Variants in PEX14 observed in about 807,000 individuals in gnomAD.
PEX14 encodes peroxisomal membrane protein PEX14.
PEX14 carries 15 observed loss-of-function variants against 49.5 expected under a neutral mutation model. That is an observed-to-expected ratio of 0.30 (90% CI 0.20 to 0.47). The LOEUF (loss-of-function observed/expected upper bound fraction) is 0.47. PEX14 is among the 20% of genes least tolerant of loss of function. The pLI, the probability that PEX14 is intolerant of heterozygous loss-of-function variation, is 1.00. For missense variants in PEX14, 398 were observed against 494.8 expected (o/e 0.80, Z 1.86); for synonymous variants, 210 against 212.7 (o/e 0.99, Z 0.11).
At chr1:10,540,852 T>A (rs974037451) in intron 3 of PEX14, among the ~76,000 whole-genome samples, 2 of 152,164 alleles carry the variant, frequency 1.3e-5, no homozygotes, top group African/African-American at 4.8e-5. Context: ...GGAATACAAT[T>A]GGCTCTGTGA....
chr1:10,570,105 G>A (rs962798836), intron 3 of PEX14, among the ~76,000 whole-genome samples: 2 of 151,692 alleles, frequency 1.3e-5, no homozygotes, highest in African/African-American at 4.8e-5. Context: ...TACTTTATAT[G>A]TAATTTCTTC....
chr1:10,534,772 T>C (rs1248580938), intron 2 of PEX14, among the ~76,000 whole-genome samples: 1 of 152,152 alleles, frequency 6.6e-6, no homozygotes, highest in Non-Finnish European at 1.5e-5. Flanking sequence ...GGCCCAGACC[T>C]GAAAAGTCAA....
At chr1:10,489,885 T>C (rs1641440949) in intron 1 of PEX14, among the ~76,000 whole-genome samples, 1 of 152,240 alleles carries the variant, frequency 6.6e-6, no homozygotes, top group Non-Finnish European at 1.5e-5. Flanking sequence ...GGGATCGTAG[T>C]CCTGCACTGC....
rs1042642668 is a variant in PEX14 at position 10,577,416 on chromosome 1, A to AAAAG, written c.170-21819_170-21818insGAAA. Among the ~76,000 whole-genome samples the AAAAG allele has an allele frequency of 6.2e-5, 9 of 144,076 alleles. 1 individual carries two copies. The highest frequency in any genetic ancestry group is 2.3e-4 in the African/African-American group (9 of 39,130). 94.5% of individuals were successfully genotyped at this position (144,076 alleles called of 152,430 possible). On this transcript the variant is annotated intron_variant, in intron 3 of 8. Transcript: ENST00000356607. ...TGTCTCAAAAAAAAAAAACCAAAAA[A>AAAAG]AAAAAACCAAAAAACAATTCTGAGA...
At chr1:10,614,473 A>G (rs564148985) in intron 4 of PEX14, among the ~76,000 whole-genome samples, 56 of 152,196 alleles carry the variant, frequency 3.7e-4, no homozygotes, top group African/African-American at 1.3e-3. Context: ...AGAACTCTGG[A>G]AAGTGAGGCA....
intron 3 of PEX14, among the ~76,000 whole-genome samples, chr1:10,562,536 A>T (rs1412504141): frequency 6.6e-6 from 1 of 152,038 alleles, no homozygotes; most frequent in East Asian, 1.9e-4. Context: ...CTTAATTTGG[A>T]TTTATCTGAT....
chr1:10,604,091 CAA>C (rs1352279575), intron 4 of PEX14, among the ~76,000 whole-genome samples: 1 of 152,212 alleles, frequency 6.6e-6, no homozygotes, highest in East Asian at 1.9e-4. Flanking sequence ...AAGAGACTAA[CAA>C]GACCTGGTCG....
At chr1:10,502,355 C>T (rs905875117) in intron 2 of PEX14, among the ~76,000 whole-genome samples, 1 of 152,140 alleles carries the variant, frequency 6.6e-6, no homozygotes, top group African/African-American at 2.4e-5. Context: ...CATACTGTTT[C>T]TGGGTGGTTA....
intron 1 of PEX14, among the ~76,000 whole-genome samples, chr1:10,479,115 A>G (rs989308329): frequency 1.3e-5 from 2 of 151,708 alleles, no homozygotes; most frequent in African/African-American, 2.4e-5. Context: ...GATGGCTCAT[A>G]CCTGTAATCT....
At chr1:10,478,521 C>T (rs1341486894) in intron 1 of PEX14, among the ~76,000 whole-genome samples, 3 of 152,140 alleles carry the variant, frequency 2.0e-5, no homozygotes, top group Non-Finnish European at 2.9e-5. Context: ...ATCCTCAAGA[C>T]GACTTGCTGG....
intron 3 of PEX14, among the ~76,000 whole-genome samples, chr1:10,586,798 C>T (rs1454131464): frequency 6.6e-6 from 1 of 151,880 alleles, no homozygotes; most frequent in African/African-American, 2.4e-5. Context: ...CACCACCATG[C>T]CCAGCTAATT....
chr1:10,612,294 A>C (rs920360767), intron 4 of PEX14, among the ~76,000 whole-genome samples: 1 of 152,020 alleles, frequency 6.6e-6, no homozygotes, highest in Non-Finnish European at 1.5e-5. Context: ...TCAGTTGACC[A>C]TGTAAGCATG....
chr1:10,546,504 C>T (rs1218338879), intron 3 of PEX14, among the ~76,000 whole-genome samples: 2 of 138,948 alleles, frequency 1.4e-5, no homozygotes, highest in African/African-American at 5.5e-5. Context: ...GCAGAGGTTG[C>T]AGTGAGCTGA....
chr1:10,493,119 C>T lies in PEX14; in HGVS notation c.37-2155C>T, dbSNP rs1214659738. 2.0e-5 allele frequency among the ~76,000 whole-genome samples: 3 copies of T among 152,126 alleles called. 1 individual carries two copies. Among genetic ancestry groups the T allele is most frequent in the African/African-American group, 4.8e-5 (2 of 41,418 alleles). On this transcript the variant is annotated intron_variant, in intron 1 of 8. Transcript: ENST00000356607. ...GGGGCAGAAGTGGGCAATGTGGTGCCGCTTGAGACCTGAGGTGTAGTCAGA... is the reference window on the plus strand; with the variant it reads ...GGGGCAGAAGTGGGCAATGTGGTGCTGCTTGAGACCTGAGGTGTAGTCAGA...
intron 2 of PEX14, among the ~76,000 whole-genome samples, chr1:10,507,654 C>A (rs589151): frequency 2.0e-5 from 3 of 151,998 alleles, no homozygotes; most frequent in African/African-American, 4.8e-5. Flanking sequence ...CTCTTGCTGG[C>A]GGGGAGAAGG....
At chr1:10,527,137 C>T (rs976288536) in intron 2 of PEX14, among the ~76,000 whole-genome samples, 2 of 148,622 alleles carry the variant, frequency 1.3e-5, no homozygotes, top group Admixed American at 6.8e-5. Flanking sequence ...TCGCTTGAAC[C>T]CAGGAGGCAG....
At chr1:10,556,061 G>C (rs1348670469) in intron 3 of PEX14, among the ~76,000 whole-genome samples, 1 of 152,128 alleles carries the variant, frequency 6.6e-6, no homozygotes, top group Admixed American at 6.5e-5. Flanking sequence ...GGCGAAAGGG[G>C]CAGCCCAGAG....
intron 2 of PEX14, among the ~76,000 whole-genome samples, chr1:10,518,231 G>A (rs561554674): frequency 2.6e-5 from 4 of 152,264 alleles, no homozygotes; most frequent in Admixed American, 6.5e-5. Context: ...AATTAAGCAT[G>A]GCTAATTTGA....
chr1:10,563,277 T>C (rs1639704703), intron 3 of PEX14, among the ~76,000 whole-genome samples: 2 of 151,748 alleles, frequency 1.3e-5, no homozygotes, highest in East Asian at 2.0e-4. Flanking sequence ...TATAGAACTC[T>C]AGATTGGCAG....
Sources: allele counts gnomAD v4.1 joint callset (sites outside exome capture counted in the v4.1 genomes callset), GRCh38; gene constraint gnomAD v4.1.1; transcripts MANE v1.5; gene names NCBI Gene and HGNC (gene_info 2026-07-23, HGNC 2026-07-21).